The following UGGT1 variants were observed in gnomAD, a reference collection of about 807,000 sequenced individuals.
UGGT1 encodes the protein UDP-glucose:glycoprotein glucosyltransferase 1.
UGGT1 carries 107 observed loss-of-function variants against 203.9 expected under a neutral mutation model. That is an observed-to-expected ratio of 0.52 (90% confidence interval 0.45 to 0.62). The LOEUF is 0.62. Ranked by LOEUF, UGGT1 falls within the 20% of genes least tolerant of loss-of-function variation. The probability of loss-of-function intolerance (pLI) is 0.00; values close to 1 mark genes in which losing one functional copy is unlikely to be tolerated. For missense variants in UGGT1, 1,673 were observed against 1,867.2 expected, an observed-to-expected ratio of 0.90 and a Z score of 1.92; for synonymous variants, 628 against 653.5, an observed-to-expected ratio of 0.96 and a Z score of 0.59.
In UGGT1 at chr2:128,172,577, T is replaced by C; in HGVS notation, c.3109T>C (p.Tyr1037His). ...KLSDMPLKSFYRYVLEPEISF... is the reference protein window; with the variant it reads ...KLSDMPLKSFHRYVLEPEISF... ...CACTTTCCTTTTCAATTTCAGCTTT[T>C]ACCGTTATGTCTTAGAACCAGAGAT... is the stretch of plus-strand genomic sequence containing the variant. The change falls in exon 29 of 41, where the codon TAC (tyrosine) becomes CAC (histidine). Residue 1037 changes from tyrosine (Y) to histidine (H), a missense_variant. Transcript: ENST00000259253. 2 of 1,614,026 alleles carry C rather than the reference T, an allele frequency of 1.2e-6. No homozygotes were observed. Among genetic ancestry groups the C allele is most frequent in the Middle Eastern group, 3.3e-4 (2 of 6,062 alleles).
rs1489586107 is a variant in UGGT1 at position 128,157,294 on chromosome 2, A to G, written c.2303A>G (p.Asp768Gly). ...CCAGTAACTTTTTGGATTGTTGGGGATTTTGATAGCCCTTCTGGACGGCAG... is the reference window on the plus strand; with the variant it reads ...CCAGTAACTTTTTGGATTGTTGGGGGTTTTGATAGCCCTTCTGGACGGCAG... ...IRPVTFWIVG[D>G]FDSPSGRQLL... Residue 768 changes from aspartate (D) to glycine (G), a missense_variant, in exon 22 of 41, where the codon GAT (aspartate) becomes GGT (glycine). Coordinates refer to ENST00000259253, the MANE Select transcript of UGGT1 (RefSeq NM_020120.4). 1 of 1,614,034 alleles carries G rather than the reference A, an allele frequency of 6.2e-7. No homozygotes were observed. Among genetic ancestry groups the G allele is most frequent in the Admixed American group, 1.7e-5 (1 of 60,004 alleles).
chr2:128,165,121 T>C (rs888396686), intron 26 of UGGT1, among the ~76,000 whole-genome samples: 1 of 152,218 alleles, frequency 6.6e-6, no homozygotes, highest in Non-Finnish European at 1.5e-5. Context: ...AGTTGTACTT[T>C]TCTTAAATTC....
intron 11 of UGGT1, 23 bp downstream of exon 11, chr2:128,123,269 G>T: frequency 1.9e-6 from 3 of 1,600,884 alleles, no homozygotes; most frequent in South Asian, 2.2e-5. Flanking sequence ...AGAAAATACT[G>T]ACCTGTTTTG....
intron 16 of UGGT1, chr2:128,139,749 C>G (rs1689316055): frequency 6.5e-6 from 1 of 153,644 alleles, no homozygotes; most frequent in Non-Finnish European, 1.5e-5. Flanking sequence ...GACTTGCAGG[C>G]AAACTTGGGC....
intron 31 of UGGT1, among the ~76,000 whole-genome samples, chr2:128,176,407 CAA>C (rs757833629): frequency 3.6e-4 from 25 of 70,196 alleles, no homozygotes; most frequent in East Asian, 3.1e-3. Flanking sequence ...AACTCTGTCT[CAA>C]AAAAAAAAAA....
chr2:128,160,480 TA>T lies in UGGT1; in HGVS notation c.2586del (p.Glu863ArgfsTer22). 1 of 1,606,018 alleles carries T rather than the reference TA, an allele frequency of 6.2e-7. No homozygotes were observed. The highest frequency in any genetic ancestry group is 8.5e-7 in the Non-Finnish European group (1 of 1,177,630). ...CCTAGGGAATGGATTTCAGTCTTTTTAAAGAGGTCTTTGAGTCTTCCAAAAT... is the reference window on the plus strand; with the variant it reads ...CCTAGGGAATGGATTTCAGTCTTTTTAAGAGGTCTTTGAGTCTTCCAAAAT... The part of the protein sequence containing the change: ...SVGGMDFSLF[K>X]EVFESSKMDF... On this transcript the variant is annotated frameshift_variant, in exon 24 of 41. Coordinates refer to ENST00000259253, the MANE Select transcript of UGGT1 (RefSeq NM_020120.4). LOFTEE classifies it high-confidence loss of function.
intron 26 of UGGT1, among the ~76,000 whole-genome samples, chr2:128,167,470 A>G (rs1225318536): frequency 6.6e-6 from 1 of 152,182 alleles, no homozygotes; most frequent in Non-Finnish European, 1.5e-5. Context: ...AGTGTGGTCC[A>G]TGGACCAGCA....
intron 26 of UGGT1, among the ~76,000 whole-genome samples, chr2:128,167,371 A>G (rs1438854117): frequency 6.6e-6 from 1 of 152,232 alleles, no homozygotes; most frequent in African/African-American, 2.4e-5. Flanking sequence ...CAGTTAAATG[A>G]ATGTTTATTA....
In UGGT1 at chr2:128,159,645, C is replaced by T; in HGVS notation, c.2487C>T (p.Phe829=). 2.5e-6 allele frequency: 4 copies of T among 1,614,122 alleles called. No individual in the cohort carries two copies. The highest frequency in any genetic ancestry group is 3.4e-6 in the Non-Finnish European group (4 of 1,180,010). Residue 829 remains phenylalanine (F), a synonymous_variant, in exon 23 of 41, where the codon TTC becomes TTT. Transcript: ENST00000259253. ...AGACTTCCAACGCTGCTAAGAACTT[C>T]ATCACCAAAATGGCCAAGGAGGGGG... The part of the protein sequence containing the change: ...QTQTSNAAKN[F]ITKMAKEGAA...
intron 15 of UGGT1, among the ~76,000 whole-genome samples, chr2:128,137,337 G>C (rs1247216869): frequency 2.6e-5 from 4 of 152,194 alleles, no homozygotes; most frequent in Non-Finnish European, 5.9e-5. Context: ...AGGATTGTTT[G>C]AGCCCAGAGG....
intron 2 of UGGT1, among the ~76,000 whole-genome samples, chr2:128,102,565 T>G (rs2105344701): frequency 6.6e-6 from 1 of 152,310 alleles, no homozygotes; most frequent in Admixed American, 6.5e-5. Flanking sequence ...TGTATTGTTA[T>G]TCTCTCCTCT....
chr2:128,111,899 G>C (rs1687872912), intron 5 of UGGT1, among the ~76,000 whole-genome samples: 1 of 151,954 alleles, frequency 6.6e-6, no homozygotes, highest in Non-Finnish European at 1.5e-5. Context: ...CAGAACTTTG[G>C]GAGGCTGAGG....
chr2:128,125,034 T>G (rs1186553126), intron 11 of UGGT1, among the ~76,000 whole-genome samples: 1 of 152,226 alleles, frequency 6.6e-6, no homozygotes, highest in Non-Finnish European at 1.5e-5. Context: ...ACAGTATCTT[T>G]GTTCCTTTTC....
chr2:128,144,161 T>G (rs1166822071), intron 17 of UGGT1, among the ~76,000 whole-genome samples: 1 of 152,246 alleles, frequency 6.6e-6, no homozygotes, highest in African/African-American at 2.4e-5. Context: ...ACCTTTAGCA[T>G]ATTATCTTCG....
chr2:128,142,091 A>C (rs1313748448), intron 16 of UGGT1, among the ~76,000 whole-genome samples: 1 of 151,680 alleles, frequency 6.6e-6, no homozygotes. Flanking sequence ...ACAGGTGTGC[A>C]CTACCACGGC....
chr2:128,144,692 T>C (rs1473421887), intron 17 of UGGT1, among the ~76,000 whole-genome samples: 1 of 152,242 alleles, frequency 6.6e-6, no homozygotes, highest in South Asian at 2.1e-4. Context: ...CTTTTTAGGC[T>C]GTGCCATGTT....
intron 22 of UGGT1, 54 bp downstream of exon 22, chr2:128,157,400 A>G (rs553690304): frequency 1.6e-5 from 23 of 1,465,674 alleles, no homozygotes; most frequent in Non-Finnish European, 2.1e-5. Flanking sequence ...AGTTGTCTTC[A>G]TGGGCTTCGC....
chr2:128,115,625 C>T (rs962491455), intron 7 of UGGT1, among the ~76,000 whole-genome samples: 13 of 151,908 alleles, frequency 8.6e-5, no homozygotes, highest in African/African-American at 1.5e-4. Context: ...GTGACTCCAA[C>T]GTGAAATCTT....
rs1687915322 is a variant in UGGT1 at position 128,112,474 on chromosome 2, T to TA, written c.522-609dup. 9.2e-5 allele frequency among the ~76,000 whole-genome samples: 3 copies of TA among 32,496 alleles called. 1 individual carries two copies. The highest frequency in any genetic ancestry group is 2.1e-3 in the East Asian group (2 of 970). 21.3% of individuals were successfully genotyped at this position (32,496 alleles called of 152,430 possible). A position where few individuals can be genotyped will look rare whatever the true frequency, so the allele number is the denominator to read the frequency against. ...CTATGTTATATATATATATATATAT[T>TA]ACATACATACATACTCAAGTTTTAG... On this transcript the variant is annotated intron_variant, in intron 5 of 40. Transcript: ENST00000259253.
Sources: gnomAD v4.1 joint callset for allele counts (sites outside exome capture counted in the v4.1 genomes callset) on GRCh38, gnomAD v4.1.1 for gene constraint, MANE v1.5 for transcripts, NCBI Gene and HGNC (gene_info 2026-07-23, HGNC 2026-07-21) for gene names.